Variants in EPN1 observed in about 807,000 individuals in gnomAD.
EPN1 encodes epsin 1, also known as epsin-1.
In EPN1, 25 loss-of-function variants were observed where a neutral mutation model predicts 56.9. The ratio of observed to expected loss-of-function variants is 0.44; its 90% CI spans 0.32 to 0.61. The LOEUF (loss-of-function observed/expected upper bound fraction) is 0.61, where lower values mean the gene tolerates loss of function less well. EPN1 is among the 20% of genes least tolerant of loss of function. The probability of loss-of-function intolerance (pLI) is 0.05; values close to 1 mark genes in which losing one functional copy is unlikely to be tolerated. For missense variants in EPN1, 785 were observed against 823.7 expected (o/e 0.95, Z 0.58); for synonymous variants, 411 against 361.8 (o/e 1.14, Z -1.54).
chr19:55,690,550 G>A (rs895944067), intron 6 of EPN1, among the ~76,000 whole-genome samples: 6 of 152,318 alleles, frequency 3.9e-5, no homozygotes, highest in East Asian at 1.9e-4. Flanking sequence ...CTCTGGGCCC[G>A]GGGTGTCCGC....
chr19:55,677,093 C>A, intron 1 of EPN1: 1 of 1,540,018 alleles, frequency 6.5e-7, no homozygotes, highest in Non-Finnish European at 8.8e-7. Context: ...AGCCTCTCTC[C>A]GTCATCCCTA....
chr19:55,692,866 A>G (rs1986660119), intron 8 of EPN1, 70 bp downstream of exon 8: 2 of 1,589,874 alleles, frequency 1.3e-6, no homozygotes, highest in South Asian at 1.1e-5. Context: ...TGAGTGTCCT[A>G]AGGGAGGGGT....
chr19:55,678,705 G>A lies in EPN1; in HGVS notation c.78G>A (p.Glu26=). 1 of 1,614,180 alleles carries A rather than the reference G, an allele frequency of 6.2e-7. No individual in the cohort carries two copies. The highest frequency in any genetic ancestry group is 8.5e-7 in the Non-Finnish European group (1 of 1,180,016). The change falls in exon 2 of 11, where the codon GAG becomes GAA. Residue 26 remains glutamate, a synonymous_variant. Coordinates refer to ENST00000270460, the MANE Select transcript of EPN1 (RefSeq NM_001130072.2). The part of the protein sequence containing the change: ...NYSEAEIKVR[E]ATSNDPWGPS... ...CAGAGGCGGAGATCAAGGTTCGAGAGGCCACGAGCAATGACCCCTGGGGCC... is the reference window on the plus strand; with the variant it reads ...CAGAGGCGGAGATCAAGGTTCGAGAAGCCACGAGCAATGACCCCTGGGGCC...
intron 2 of EPN1, among the ~76,000 whole-genome samples, chr19:55,679,517 T>C (rs1039181320): frequency 3.9e-5 from 6 of 152,184 alleles, no homozygotes; most frequent in Non-Finnish European, 8.8e-5. Flanking sequence ...CTCCTGCTGT[T>C]GCGGTCCCGT....
At chr19:55,692,858 A>C in intron 8 of EPN1, 62 bp downstream of exon 8, 23 of 1,585,352 alleles carry the variant, frequency 1.5e-5, no homozygotes, top group Non-Finnish European at 2.0e-5. Context: ...GTTAGTGTTG[A>C]GTGTCCTAAG....
intron 1 of EPN1, chr19:55,677,172 A>G: frequency 6.4e-7 from 1 of 1,551,296 alleles, no homozygotes; most frequent in East Asian, 2.4e-5. Flanking sequence ...AGCCGCATAG[A>G]TGGGTGATCA....
In EPN1 at chr19:55,675,432, C is replaced by G. The variant is rs1042041159; in HGVS notation, c.-105C>G. 1.3e-5 allele frequency: 2 copies of G among 151,890 alleles called. No homozygotes were observed. Among genetic ancestry groups the G allele is most frequent in the Non-Finnish European group, 2.9e-5 (2 of 68,046 alleles). The allele number at this position is 151,890 out of a possible 1,614,324, so 9.4% of individuals were successfully genotyped here. ...CCCCCAGAGCCCGGCGTGAGGGGGC[C>G]GAGGTGAGCGCGGGGCGGAGCGCGG... On this transcript the variant is annotated 5_prime_UTR_variant, in exon 1 of 11. Coordinates refer to ENST00000270460, the MANE Select transcript of EPN1 (RefSeq NM_001130072.2).
At position 55,707,108 on chromosome 19, in the gene EPN1, G is replaced by C. The variant is rs369231262; in HGVS notation, c.*11752G>C. ...AGACAGGAGAATCACTTGAACCCAG[G>C]AGACGGAGGCTGCAGTGAGCCGAGA... On this transcript the variant is annotated 3_prime_UTR_variant, in exon 11 of 11. Transcript: ENST00000270460. The C allele has an allele frequency of 6.6e-6, 1 of 151,976 alleles. No homozygotes were observed. Among genetic ancestry groups the C allele is most frequent in the Non-Finnish European group, 1.5e-5 (1 of 68,030 alleles). The allele number at this position is 151,976 out of a possible 1,614,324, so 9.4% of individuals were successfully genotyped here.
At position 55,703,768 on chromosome 19, in the gene EPN1, GAT is replaced by G. The variant is rs1491373627; in HGVS notation, c.*8413_*8414del. ...AACAGTTGAAATGTGGCCAGCATGAGATTTTTTTAATCTTGCCAATTTTTGAT... is the reference window on the plus strand; with the variant it reads ...AACAGTTGAAATGTGGCCAGCATGAGTTTTTTAATCTTGCCAATTTTTGAT... On this transcript the variant is annotated 3_prime_UTR_variant, in exon 11 of 11. Coordinates refer to ENST00000270460, the MANE Select transcript of EPN1 (RefSeq NM_001130072.2). The G allele has an allele frequency of 2.0e-5, 3 of 152,244 alleles. No homozygotes were observed. Among genetic ancestry groups the G allele is most frequent in the Admixed American group, 6.5e-5 (1 of 15,284 alleles). 9.4% of individuals were successfully genotyped at this position (152,244 alleles called of 1,614,324 possible).
At chr19:55,692,194 C>A in intron 7 of EPN1, 137 bp downstream of exon 7, 3 of 755,806 alleles carry the variant, frequency 4.0e-6, no homozygotes, top group Non-Finnish European at 5.8e-6. Context: ...GGGGAGGGGG[C>A]AAGGGCGGGG....
chr19:55,694,907 C>T lies in EPN1; in HGVS notation c.1446C>T (p.Val482=), dbSNP rs760777595. 8.8e-6 allele frequency: 14 copies of T among 1,587,202 alleles called. No homozygotes were observed. Among genetic ancestry groups the T allele is most frequent in the Admixed American group, 1.8e-5 (1 of 56,750 alleles). ...TCCTGGGGCCCAATGCAGCCCTCGT[C>T]GACCTGGACTCGCTGGTGAGCCGGC... ...ESFLGPNAAL[V]DLDSLVSRPG... is the part of the protein sequence containing the mutation. Residue 482 remains valine (V), a synonymous_variant, in exon 10 of 11, where the codon GTC becomes GTT. Coordinates refer to ENST00000270460, the MANE Select transcript of EPN1 (RefSeq NM_001130072.2). This position sits in a 1 kb window ranked among gnomAD's most constrained non-coding sequence, Gnocchi z 4.2.
Position 55,695,543 on chromosome 19 carries a change from C to T in EPN1, c.*187C>T. The T allele has an allele frequency of 1.7e-6, 1 of 583,830 alleles. No homozygotes were observed. Among genetic ancestry groups the T allele is most frequent in the Non-Finnish European group, 3.0e-6 (1 of 328,744 alleles). The allele number at this position is 583,830 out of a possible 1,614,324, so 36.2% of individuals were successfully genotyped here. ...CCCCGGAGAGAAACTGGACATGGGG[C>T]CTGGGGAGGGGAGCTGGCCAGAGGA... On this transcript the variant is annotated 3_prime_UTR_variant, in exon 11 of 11. Transcript: ENST00000270460. The surrounding 1 kb of genome is among the most constrained non-coding windows in gnomAD (Gnocchi z 4.4).
chr19:55,676,468 G>A (rs532115907), intron 1 of EPN1, among the ~76,000 whole-genome samples: 1 of 152,296 alleles, frequency 6.6e-6, no homozygotes, highest in East Asian at 1.9e-4. Context: ...AGAGTATTAA[G>A]ATAGTGCCTT....
chr19:55,688,819 T>G (rs1986336327), intron 3 of EPN1, 51 bp from the exon 4 acceptor site: 3 of 1,554,958 alleles, frequency 1.9e-6, no homozygotes, highest in Non-Finnish European at 2.6e-6. Flanking sequence ...TGGGGTTTCC[T>G]GTCTCTCGTT....
At position 55,696,382 on chromosome 19, in the gene EPN1, A is replaced by G; in HGVS notation, c.*1026A>G. On this transcript the variant is annotated 3_prime_UTR_variant, in exon 11 of 11. Transcript: ENST00000270460. The stretch of plus-strand genomic sequence containing the variant: ...CCAGGGCTAGGTGACAGCTTGTTGC[A>G]GGCCCCACAGCCAGGGCCTCAGGGA... 6.6e-6 allele frequency: 1 copy of G among 152,410 alleles called. No homozygotes were observed. The highest frequency in any genetic ancestry group is 1.5e-5 in the Non-Finnish European group (1 of 68,146). The allele number at this position is 152,410 out of a possible 1,614,324, so 9.4% of individuals were successfully genotyped here. A position where few individuals can be genotyped will look rare whatever the true frequency, so the allele number is the denominator to read the frequency against.
Position 55,694,326 on chromosome 19 carries a change from C to T in EPN1, c.1265-400C>T, listed in dbSNP as rs1399091455. The stretch of plus-strand genomic sequence containing the variant: ...GTGCTGTCTGTCCACTTGGAAGCTC[C>T]CTCTGGGGCTGTGTACTCAAGGAGC... On this transcript the variant is annotated intron_variant, in intron 9 of 10. Coordinates refer to ENST00000270460, the MANE Select transcript of EPN1 (RefSeq NM_001130072.2). This position sits in a 1 kb window ranked among gnomAD's most constrained non-coding sequence, Gnocchi z 4.2. 3 of 197,078 alleles carry T rather than the reference C, an allele frequency of 1.5e-5. No homozygotes were observed. The highest frequency in any genetic ancestry group is 2.3e-5 in the African/African-American group (1 of 43,244). The allele number at this position is 197,078 out of a possible 1,614,324, so 12.2% of individuals were successfully genotyped here. A position where few individuals can be genotyped will look rare whatever the true frequency, so the allele number is the denominator to read the frequency against.
In EPN1 at chr19:55,697,186, A is replaced by G. The variant is rs992476459; in HGVS notation, c.*1830A>G. Reference sequence around the variant, plus strand: ...CCCCAGGCAGCAGCAAGCGTCCCTTACGCTTGGGCTGTCCGAGACCCTGCT... The same window carrying G: ...CCCCAGGCAGCAGCAAGCGTCCCTTGCGCTTGGGCTGTCCGAGACCCTGCT... On this transcript the variant is annotated 3_prime_UTR_variant, in exon 11 of 11. Transcript: ENST00000270460. 1.3e-5 allele frequency: 2 copies of G among 152,106 alleles called. No homozygotes were observed. The highest frequency in any genetic ancestry group is 4.8e-5 in the African/African-American group (2 of 41,406). 9.4% of individuals were successfully genotyped at this position (152,106 alleles called of 1,614,324 possible). A position where few individuals can be genotyped will look rare whatever the true frequency, so the allele number is the denominator to read the frequency against.
chr19:55,706,996 A>C lies in EPN1; in HGVS notation c.*11640A>C, dbSNP rs1382729461. Reference sequence around the variant, plus strand: ...TTGAGACCAGCCTGACCAACATGGCAAAACCCCATCTCTACTAAAAATACC... The same window carrying C: ...TTGAGACCAGCCTGACCAACATGGCCAAACCCCATCTCTACTAAAAATACC... On this transcript the variant is annotated 3_prime_UTR_variant, in exon 11 of 11. Coordinates refer to ENST00000270460, the MANE Select transcript of EPN1 (RefSeq NM_001130072.2). 1 of 152,150 alleles carries C rather than the reference A, an allele frequency of 6.6e-6. No individual in the cohort carries two copies. The highest frequency in any genetic ancestry group is 1.5e-5 in the Non-Finnish European group (1 of 68,042). The allele number at this position is 152,150 out of a possible 1,614,324, so 9.4% of individuals were successfully genotyped here. A position where few individuals can be genotyped will look rare whatever the true frequency, so the allele number is the denominator to read the frequency against.
chr19:55,705,476 C>G lies in EPN1; in HGVS notation c.*10120C>G, dbSNP rs911328234. ...CAGCCTGGCCAACATGACAAAATCA[C>G]CATCTCTACTAAAAATACAAAAATT... On this transcript the variant is annotated 3_prime_UTR_variant, in exon 11 of 11. Coordinates refer to ENST00000270460, the MANE Select transcript of EPN1 (RefSeq NM_001130072.2). 1 of 152,094 alleles carries G rather than the reference C, an allele frequency of 6.6e-6. No homozygotes were observed. Among genetic ancestry groups the G allele is most frequent in the Non-Finnish European group, 1.5e-5 (1 of 68,024 alleles). 9.4% of individuals were successfully genotyped at this position (152,094 alleles called of 1,614,324 possible).
Sources: gnomAD v4.1 joint callset for allele counts (sites outside exome capture counted in the v4.1 genomes callset) on GRCh38, gnomAD v4.1.1 for gene constraint, Gnocchi (gnomAD v3.1) non-coding constraint, MANE v1.5 for transcripts, NCBI Gene and HGNC (gene_info 2026-07-23, HGNC 2026-07-21) for gene names.